KCMF1: variants seen among roughly 807,000 people sequenced by gnomAD.
KCMF1 encodes potassium channel modulatory factor 1.
KCMF1 carries 3 observed loss-of-function variants against 41.1 expected under a neutral mutation model. The ratio of observed to expected loss-of-function variants is 0.07; its 90% CI spans 0.03 to 0.19. KCMF1 has a LOEUF of 0.19. KCMF1 is among the 10% of genes least tolerant of loss of function. The pLI is 1.00. For synonymous variants in KCMF1, 142 were observed against 164.5 expected (o/e 0.86, Z 1.04); for missense variants, 286 against 488.9 (o/e 0.58, Z 3.91).
chr2:85,007,696 C>G (rs1187502446), intron 1 of KCMF1, among the ~76,000 whole-genome samples: 1 of 152,170 alleles, frequency 6.6e-6, no homozygotes, highest in East Asian at 1.9e-4. Context: ...CCTCAGGTTA[C>G]AAAGAAAATG....
chr2:85,030,564 G>A (rs1480588261), intron 2 of KCMF1, among the ~76,000 whole-genome samples: 1 of 152,104 alleles, frequency 6.6e-6, no homozygotes, highest in African/African-American at 2.4e-5. Context: ...GTATTCAGTT[G>A]TCCCAGTATC....
chr2:85,024,163 A>G (rs1675024717), intron 1 of KCMF1, among the ~76,000 whole-genome samples: 1 of 152,158 alleles, frequency 6.6e-6, no homozygotes. Flanking sequence ...TATATTTTCA[A>G]TCAATGTAGG....
chr2:85,008,370 CATATGATATATTATATATGATATATATT>C (rs1674558032), intron 1 of KCMF1, among the ~76,000 whole-genome samples: 1 of 8,466 alleles, frequency 1.2e-4, no homozygotes, highest in African/African-American at 2.1e-4. Context: ...TATTATATAT[CATATGATATATTATATATGATATATATT>C]ATATATCATA....
At position 85,058,877 on chromosome 2, in the gene KCMF1, G is replaced by A. The variant is rs1467304548; in HGVS notation, c.*5468G>A. The A allele has an allele frequency of 6.6e-6, 1 of 152,150 alleles. No individual in the cohort carries two copies. The highest frequency in any genetic ancestry group is 1.5e-5 in the Non-Finnish European group (1 of 68,036). 9.4% of individuals were successfully genotyped at this position (152,150 alleles called of 1,614,324 possible). A position where few individuals can be genotyped will look rare whatever the true frequency, so the allele number is the denominator to read the frequency against. On this transcript the variant is annotated 3_prime_UTR_variant, in exon 7 of 7. Coordinates refer to ENST00000409785, the MANE Select transcript of KCMF1 (RefSeq NM_020122.5). ...AGATCCATATTCATTTAATAGTGAA[G>A]CCAGCCCAGAAGCATCCTCTTCTGT...
chr2:85,040,644 G>A (rs1255840795), intron 3 of KCMF1, among the ~76,000 whole-genome samples: 2 of 152,118 alleles, frequency 1.3e-5, no homozygotes, highest in African/African-American at 2.4e-5. Flanking sequence ...CTCTGTGATC[G>A]CATCAGCATC....
intron 1 of KCMF1, among the ~76,000 whole-genome samples, chr2:84,979,121 C>G (rs1233306576): frequency 1.3e-5 from 2 of 152,196 alleles, no homozygotes; most frequent in Non-Finnish European, 2.9e-5. Flanking sequence ...GCTGGGATTA[C>G]AGGTGTGAGC....
chr2:85,040,175 T>C (rs566159204), intron 3 of KCMF1, among the ~76,000 whole-genome samples: 1 of 152,334 alleles, frequency 6.6e-6, no homozygotes, highest in East Asian at 1.9e-4. Flanking sequence ...GTTAAGTAAA[T>C]CTTAATTGAC....
chr2:85,019,255 C>T (rs999983138), intron 1 of KCMF1, among the ~76,000 whole-genome samples: 6 of 152,208 alleles, frequency 3.9e-5, no homozygotes, highest in Admixed American at 6.5e-5. Flanking sequence ...CTTTAGATTA[C>T]CTGTAGTTGA....
intron 1 of KCMF1, among the ~76,000 whole-genome samples, chr2:85,021,688 CT>C (rs1003226411): frequency 1.3e-5 from 2 of 151,154 alleles, no homozygotes; most frequent in Admixed American, 6.6e-5. Context: ...GCTTTCATGT[CT>C]TTTTTTTTCC....
chr2:85,040,316 G>A (rs1472833847), intron 3 of KCMF1, among the ~76,000 whole-genome samples: 4 of 152,092 alleles, frequency 2.6e-5, no homozygotes, highest in African/African-American at 7.2e-5. Flanking sequence ...TTTAGGGTCA[G>A]TACCCTAAAG....
intron 1 of KCMF1, among the ~76,000 whole-genome samples, chr2:85,008,808 A>G (rs966552389): frequency 2.7e-5 from 4 of 147,476 alleles, no homozygotes; most frequent in African/African-American, 1.0e-4. Context: ...TTTGTCTACC[A>G]GGCTGGAGTG....
intron 1 of KCMF1, among the ~76,000 whole-genome samples, chr2:84,974,555 C>T (rs964172552): frequency 6.7e-6 from 1 of 149,716 alleles, no homozygotes; most frequent in Non-Finnish European, 1.5e-5. Flanking sequence ...GCAGGCTTGG[C>T]GGAGCTGTAA....
chr2:84,993,575 A>ATTTG (rs1674098688), intron 1 of KCMF1, among the ~76,000 whole-genome samples: 1 of 150,840 alleles, frequency 6.6e-6, no homozygotes, highest in South Asian at 2.1e-4. Context: ...TTATTTATTT[A>ATTTG]TTTATTTATT....
At chr2:85,028,678 A>G (rs979223961) in intron 2 of KCMF1, among the ~76,000 whole-genome samples, 2 of 151,226 alleles carry the variant, frequency 1.3e-5, no homozygotes, top group East Asian at 2.0e-4. Context: ...TTTAGTAGAG[A>G]TAGGGTTTCA....
chr2:85,050,422 G>A (rs755278600), intron 6 of KCMF1, among the ~76,000 whole-genome samples: 16 of 152,068 alleles, frequency 1.1e-4, no homozygotes, highest in Non-Finnish European at 2.2e-4. Flanking sequence ...GCACACAAAA[G>A]TAACTTAAAA....
chr2:85,049,322 C>T, intron 5 of KCMF1, 44 bp from the exon 6 acceptor site: 1 of 1,586,888 alleles, frequency 6.3e-7, no homozygotes. Flanking sequence ...TTTTGTTTTC[C>T]TCAGTATTAA....
intron 1 of KCMF1, among the ~76,000 whole-genome samples, chr2:85,009,152 C>G (rs931510896): frequency 6.6e-6 from 1 of 152,112 alleles, no homozygotes; most frequent in Non-Finnish European, 1.5e-5. Flanking sequence ...CAGACTTCCC[C>G]CTTGCTGTTC....
chr2:85,015,735 CTG>C (rs1674753496), intron 1 of KCMF1, among the ~76,000 whole-genome samples: 1 of 152,202 alleles, frequency 6.6e-6, no homozygotes, highest in Non-Finnish European at 1.5e-5. Flanking sequence ...TTTAAATCAT[CTG>C]TAGCCACAAA....
intron 1 of KCMF1, among the ~76,000 whole-genome samples, chr2:85,008,456 A>G (rs1341845819): frequency 8.2e-6 from 1 of 121,652 alleles, no homozygotes; most frequent in Non-Finnish European, 1.8e-5. Context: ...TATCTGAGAT[A>G]TATGTTACAT....
Sources: allele counts gnomAD v4.1 joint callset (sites outside exome capture counted in the v4.1 genomes callset), GRCh38; gene constraint gnomAD v4.1.1; transcripts MANE v1.5; gene names NCBI Gene and HGNC (gene_info 2026-07-23, HGNC 2026-07-21).